The following CREBL2 variants were observed in gnomAD, a reference collection of about 807,000 sequenced individuals.
The protein encoded by CREBL2 is cAMP responsive element binding protein like 2.
In CREBL2, 4 loss-of-function variants were observed where a neutral mutation model predicts 19.5. The observed-to-expected ratio is 0.20, with a 90% CI of 0.10 to 0.47. CREBL2 has a LOEUF of 0.47. CREBL2 is among the 20% of genes least tolerant of loss of function. The pLI is 0.98. For missense variants in CREBL2, 85 were observed against 145.1 expected, an observed-to-expected ratio of 0.59 and a Z score of 2.13; for synonymous variants, 42 against 46.6, an observed-to-expected ratio of 0.90 and a Z score of 0.40.
rs1415500848 is a variant in CREBL2, at chr12:12,642,221, G to A, written c.*223G>A. On this transcript the variant is annotated 3_prime_UTR_variant, in exon 4 of 4. Transcript: ENST00000228865. ...ACAAACATTCAGACCTGTCTGGGTTGGTATTGCCACCCATGACATTTAACA... is the reference window on the plus strand; with the variant it reads ...ACAAACATTCAGACCTGTCTGGGTTAGTATTGCCACCCATGACATTTAACA... 2.6e-6 allele frequency: 1 copy of A among 380,238 alleles called. No homozygotes were observed. Among genetic ancestry groups the A allele is most frequent in the Non-Finnish European group, 4.7e-6 (1 of 211,834 alleles). The allele number at this position is 380,238 out of a possible 1,614,324, so 23.6% of individuals were successfully genotyped here.
chr12:12,640,125 A>C lies in CREBL2; in HGVS notation c.359-1869A>C, dbSNP rs570575736. Among the ~76,000 whole-genome samples the C allele has an allele frequency of 1.6e-3, 239 of 152,316 alleles. 2 individuals carry two copies. The highest frequency in any genetic ancestry group is 5.5e-3 in the African/African-American group (228 of 41,582). On this transcript the variant is annotated intron_variant, in intron 3 of 3. Transcript: ENST00000228865. ...ACAACAGAAAACGGGGTTTGAGAGCAGAGAAGCGGTCTGACCACAAATTTA... is the reference window on the plus strand; with the variant it reads ...ACAACAGAAAACGGGGTTTGAGAGCCGAGAAGCGGTCTGACCACAAATTTA...
intron 1 of CREBL2, among the ~76,000 whole-genome samples, chr12:12,630,927 A>T (rs1945438594): frequency 6.6e-6 from 1 of 152,198 alleles, no homozygotes; most frequent in African/African-American, 2.4e-5. Flanking sequence ...TTATTTAAGA[A>T]TGTCTTTTGT....
intron 1 of CREBL2, chr12:12,614,712 C>T (rs1945295843): frequency 3.4e-6 from 1 of 293,428 alleles, no homozygotes; most frequent in South Asian, 3.1e-5. Context: ...GCTGTCAGCT[C>T]TTAAGAGTAC....
At chr12:12,635,369 G>GA (rs542994272) in intron 1 of CREBL2, among the ~76,000 whole-genome samples, 321 of 116,056 alleles carry the variant, frequency 2.8e-3, no homozygotes, top group Admixed American at 6.1e-3. Flanking sequence ...ACCCTGTCTG[G>GA]AAAAAAAAAA....
rs1395071122 is a variant in CREBL2, at chr12:12,637,671, C to T, written c.315C>T (p.Ser105=). 6.8e-6 allele frequency: 11 copies of T among 1,613,226 alleles called. No individual in the cohort carries two copies. The highest frequency in any genetic ancestry group is 9.3e-6 in the Non-Finnish European group (11 of 1,179,654). ...AGAACAAATCTCAGCAGAACTCAAG[C>T]AGGCATACCAAGGCTGGGAAGACAG... is the stretch of plus-strand genomic sequence containing the variant. ...EEQNKSQQNS[S]RHTKAGKTDA... The change falls in exon 3 of 4, where the codon AGC becomes AGT. Residue 105 remains serine (S), a synonymous_variant. Transcript: ENST00000228865.
intron 1 of CREBL2, 48 bp from the exon 2 acceptor site, chr12:12,635,729 T>C: frequency 6.4e-7 from 1 of 1,551,136 alleles, no homozygotes; most frequent in Non-Finnish European, 8.7e-7. Context: ...TTCACTTTTC[T>C]GTACACAGAA....
At chr12:12,625,907 T>A (rs1364413661) in intron 1 of CREBL2, among the ~76,000 whole-genome samples, 1 of 152,164 alleles carries the variant, frequency 6.6e-6, no homozygotes, top group Non-Finnish European at 1.5e-5. Context: ...GGGTATTTAA[T>A]AAAGGGTCAT....
At chr12:12,640,452 C>T (rs1945508678) in intron 3 of CREBL2, among the ~76,000 whole-genome samples, 1 of 152,072 alleles carries the variant, frequency 6.6e-6, no homozygotes. Flanking sequence ...TTCCCTTGTT[C>T]CATAAAAATC....
At chr12:12,622,761 A>T (rs1945369604) in intron 1 of CREBL2, among the ~76,000 whole-genome samples, 1 of 152,174 alleles carries the variant, frequency 6.6e-6, no homozygotes, top group Non-Finnish European at 1.5e-5. Context: ...TGAAAACGCC[A>T]CTGCTTGTTT....
At chr12:12,641,253 A>ATTTTTTTTTTTTTTTTTTT (rs142404101) in intron 3 of CREBL2, among the ~76,000 whole-genome samples, 3 of 78,262 alleles carry the variant, frequency 3.8e-5, no homozygotes, top group South Asian at 4.6e-4. Context: ...TATTATTATT[A>ATTTTTTTTTTTTTTTTTTT]TTTTTTTTTA....
chr12:12,614,037 A>T (rs1372331921), intron 1 of CREBL2, among the ~76,000 whole-genome samples: 1 of 120,544 alleles, frequency 8.3e-6, no homozygotes, highest in Non-Finnish European at 1.6e-5. Context: ...TGTATCGCCC[A>T]GGCTGGAGTA....
chr12:12,635,656 A>T, intron 1 of CREBL2, 121 bp from the exon 2 acceptor site: 1 of 1,151,814 alleles, frequency 8.7e-7, no homozygotes, highest in Non-Finnish European at 1.2e-6. Context: ...ATGCTTTCTT[A>T]GTTCCGTAGG....
chr12:12,618,475 C>T (rs1481415947), intron 1 of CREBL2, among the ~76,000 whole-genome samples: 23 of 151,860 alleles, frequency 1.5e-4, no homozygotes, highest in Admixed American at 2.0e-4. Context: ...AGACGTTGGG[C>T]GGCCGGGCAG....
At chr12:12,629,846 T>TTG (rs939649683) in intron 1 of CREBL2, among the ~76,000 whole-genome samples, 9 of 152,084 alleles carry the variant, frequency 5.9e-5, no homozygotes, top group East Asian at 3.9e-4. Flanking sequence ...AGTCCTTTTT[T>TTG]TGTGTGTGTG....
chr12:12,614,098 A>G (rs985681592), intron 1 of CREBL2, among the ~76,000 whole-genome samples: 9 of 146,780 alleles, frequency 6.1e-5, no homozygotes, highest in South Asian at 2.1e-4. Context: ...GGTTCAAGCA[A>G]TTCTCCTGCC....
At chr12:12,628,521 G>A (rs1250865375) in intron 1 of CREBL2, among the ~76,000 whole-genome samples, 1 of 152,196 alleles carries the variant, frequency 6.6e-6, no homozygotes, top group African/African-American at 2.4e-5. Flanking sequence ...TCATATCTAA[G>A]AAACCATTGC....
At position 12,612,007 on chromosome 12, in the gene CREBL2, C is replaced by A. The variant is rs1232146869; in HGVS notation, c.-166C>A. ...CCGCTCTGCCATTCCTGAACTGGTC[C>A]CTCGTCCCCGTGACTCTGGCATCAG... On this transcript the variant is annotated 5_prime_UTR_variant, in exon 1 of 4. Transcript: ENST00000228865. The A allele has an allele frequency of 7.4e-6, 6 of 811,334 alleles. No homozygotes were observed. The East Asian group carries it at 1.6e-4, about 22-fold the overall frequency. 50.3% of individuals were successfully genotyped at this position (811,334 alleles called of 1,614,324 possible).
At chr12:12,619,917 C>T (rs936693381) in intron 1 of CREBL2, among the ~76,000 whole-genome samples, 9 of 152,188 alleles carry the variant, frequency 5.9e-5, no homozygotes, top group Admixed American at 3.3e-4. Context: ...CTTACACTTT[C>T]CTTACCCTTT....
intron 1 of CREBL2, among the ~76,000 whole-genome samples, chr12:12,621,866 C>G (rs1400734174): frequency 6.6e-6 from 1 of 152,060 alleles, no homozygotes. Context: ...GGTTTTAAAG[C>G]AGAAGTGACA....
Sources: allele counts gnomAD v4.1 joint callset (sites outside exome capture counted in the v4.1 genomes callset), GRCh38; gene constraint gnomAD v4.1.1; transcripts MANE v1.5; gene names NCBI Gene and HGNC (gene_info 2026-07-23, HGNC 2026-07-21).